Variants in CHST11 observed in about 807,000 individuals in gnomAD.
The protein encoded by CHST11 is carbohydrate sulfotransferase 11, also known as C4S-1.
Under a neutral mutation model 30.4 loss-of-function variants are expected in CHST11, and 9 were observed. The ratio of observed to expected loss-of-function variants is 0.30; its 90% confidence interval spans 0.18 to 0.52. The LOEUF (loss-of-function observed/expected upper bound fraction) is 0.52. Among genes scored for constraint, CHST11 ranks in the 20% least tolerant of loss-of-function variants. The probability of loss-of-function intolerance (pLI) is 0.97; values close to 1 mark genes in which losing one functional copy is unlikely to be tolerated. For missense variants in CHST11, 348 were observed against 460.6 expected (o/e 0.76, Z 2.24); for synonymous variants, 152 against 187.8 (o/e 0.81, Z 1.56).
intron 1 of CHST11, among the ~76,000 whole-genome samples, chr12:104,555,963 A>G (rs1314913854): frequency 1.3e-5 from 2 of 152,180 alleles, no homozygotes; most frequent in East Asian, 1.9e-4. Context: ...AGGGATTACC[A>G]TCAGGTGGTG....
In CHST11 at chr12:104,690,442, C is replaced by G. The variant is rs574924126; in HGVS notation, c.205-66507C>G. Among the ~76,000 whole-genome samples, 101 of 152,296 alleles carry G rather than the reference C, an allele frequency of 6.6e-4. 1 individual carries two copies. Among genetic ancestry groups the G allele is most frequent in the Admixed American group, 5.4e-3 (82 of 15,308 alleles). On this transcript the variant is annotated intron_variant, in intron 2 of 2. Coordinates refer to ENST00000303694, the MANE Select transcript of CHST11 (RefSeq NM_018413.6). The stretch of plus-strand genomic sequence containing the variant: ...GTAGGAATAAAAGTCGATTTCTGAT[C>G]CCCTCTTATATGAAAAATGGATGCA...
Position 104,653,867 on chromosome 12 carries a change from A to C in CHST11, c.204+51876A>C, listed in dbSNP as rs1306674152. 3.9e-5 allele frequency among the ~76,000 whole-genome samples: 6 copies of C among 152,228 alleles called. 1 individual carries two copies. Among genetic ancestry groups the C allele is most frequent in the Non-Finnish European group, 1.5e-5 (1 of 68,038 alleles). ...ATCTGGCTCTAGGTTCCTGAACTGC[A>C]GATGCAGTAGTTAGACTGAAAAACC... On this transcript the variant is annotated intron_variant, in intron 2 of 2. Coordinates refer to ENST00000303694, the MANE Select transcript of CHST11 (RefSeq NM_018413.6).
intron 1 of CHST11, among the ~76,000 whole-genome samples, chr12:104,545,593 AAAG>A (rs1226131166): frequency 6.6e-6 from 1 of 152,236 alleles, no homozygotes; most frequent in Non-Finnish European, 1.5e-5. Context: ...CAGGTTCCAT[AAAG>A]ATGATGCCTT....
At chr12:104,465,261 G>T (rs2037446571) in intron 1 of CHST11, among the ~76,000 whole-genome samples, 1 of 152,218 alleles carries the variant, frequency 6.6e-6, no homozygotes, top group Non-Finnish European at 1.5e-5. Context: ...CATGCAGTCT[G>T]TCCAAGTCTT....
Position 104,637,564 on chromosome 12 carries a change from C to A in CHST11, c.204+35573C>A, listed in dbSNP as rs141769753. Among the ~76,000 whole-genome samples the A allele has an allele frequency of 4.6e-3, 707 of 152,262 alleles. 9 individuals carry two copies. Among genetic ancestry groups the A allele is most frequent in the African/African-American group, 0.015 (641 of 41,536 alleles). ...TATCCAGATTAAAATCTGTGTGAGA[C>A]CTTTCTATGGCTTCCTTCCTGTTGC... On this transcript the variant is annotated intron_variant, in intron 2 of 2. Coordinates refer to ENST00000303694, the MANE Select transcript of CHST11 (RefSeq NM_018413.6).
Position 104,758,613 on chromosome 12 carries a change from A to G in CHST11, c.*810A>G, listed in dbSNP as rs2468110. On this transcript the variant is annotated 3_prime_UTR_variant, in exon 3 of 3. Transcript: ENST00000303694. ...AGATAGAGCGTTGAACAAACCCAATAGTCTTGGCCCTCAAAAAGCTTTATG... is the reference window on the plus strand; with the variant it reads ...AGATAGAGCGTTGAACAAACCCAATGGTCTTGGCCCTCAAAAAGCTTTATG... 96,562 of 152,030 alleles carry G rather than the reference A, an allele frequency of 0.64. 30,908 individuals are homozygous for G. Among genetic ancestry groups the G allele is most frequent in the Middle Eastern group, 0.74 (218 of 296 alleles). The allele number at this position is 152,030 out of a possible 1,614,324, so 9.4% of individuals were successfully genotyped here. A position where few individuals can be genotyped will look rare whatever the true frequency, so the allele number is the denominator to read the frequency against.
chr12:104,533,567 C>G lies in CHST11; in HGVS notation c.119-68339C>G, dbSNP rs540756026. On this transcript the variant is annotated intron_variant, in intron 1 of 2. Transcript: ENST00000303694. ...GTTCTTTTGTTTCCTGCCATCTCCCCTTAACCTGGACTTGACAACTAAAAA... is the reference window on the plus strand; with the variant it reads ...GTTCTTTTGTTTCCTGCCATCTCCCGTTAACCTGGACTTGACAACTAAAAA... Among the ~76,000 whole-genome samples, 8 of 152,288 alleles carry G rather than the reference C, an allele frequency of 5.3e-5. No homozygotes were observed. In the South Asian group the frequency reaches 1.7e-3, roughly 32 times the overall value.
At chr12:104,584,565 C>T (rs985675276) in intron 1 of CHST11, among the ~76,000 whole-genome samples, 1 of 152,160 alleles carries the variant, frequency 6.6e-6, no homozygotes, top group African/African-American at 2.4e-5. Flanking sequence ...CCTGTTTTCA[C>T]TTTCATATGC....
chr12:104,646,155 C>T (rs17815142), intron 2 of CHST11, among the ~76,000 whole-genome samples: 14,241 of 152,138 alleles, frequency 0.094, 744 homozygotes, highest in Non-Finnish European at 0.12. Flanking sequence ...CTCTATTCCA[C>T]TTTCCAGGGC....
At chr12:104,554,012 G>T (rs1259657038) in intron 1 of CHST11, among the ~76,000 whole-genome samples, 4 of 152,136 alleles carry the variant, frequency 2.6e-5, no homozygotes, top group Non-Finnish European at 1.5e-5. Flanking sequence ...GGCAGGATTT[G>T]ATTCTTGCCA....
intron 1 of CHST11, among the ~76,000 whole-genome samples, chr12:104,544,283 T>A (rs2038320809): frequency 6.6e-6 from 1 of 152,114 alleles, no homozygotes; most frequent in Non-Finnish European, 1.5e-5. Context: ...GGCTAATTTC[T>A]TAGAAAATAA....
intron 2 of CHST11, among the ~76,000 whole-genome samples, chr12:104,691,204 G>A (rs1413976300): frequency 6.6e-6 from 1 of 152,164 alleles, no homozygotes; most frequent in Non-Finnish European, 1.5e-5. Flanking sequence ...GCACGGGAAG[G>A]GTTGGTTGGT....
In CHST11 at chr12:104,457,389, G is replaced by A; in HGVS notation, c.-23G>A. The A allele has an allele frequency of 6.3e-7, 1 of 1,586,100 alleles. No homozygotes were observed. The highest frequency in any genetic ancestry group is 8.7e-7 in the Non-Finnish European group (1 of 1,155,728). ...CCGGGCGCGCTTCCCGGACACCCCG[G>A]TCCCCGCAGCCAGGACAAAGCCATG... On this transcript the variant is annotated 5_prime_UTR_variant, in exon 1 of 3. Coordinates refer to ENST00000303694, the MANE Select transcript of CHST11 (RefSeq NM_018413.6).
At chr12:104,662,610 A>G (rs1420770651) in intron 2 of CHST11, among the ~76,000 whole-genome samples, 2 of 151,654 alleles carry the variant, frequency 1.3e-5, no homozygotes, top group East Asian at 3.9e-4. Flanking sequence ...GATTTTTTCC[A>G]TCCTTTATTC....
At position 104,757,615 on chromosome 12, in the gene CHST11, C is replaced by G; in HGVS notation, c.871C>G (p.Gln291Glu). Residue 291 changes from glutamine (Q) to glutamate (E), a missense_variant, in exon 3 of 3, where the codon CAG becomes GAG. By Grantham distance (29) the Gln-to-Glu change is conservative. Around this residue, in one of 3 missense-constraint regions of CHST11, gnomAD observed 210 missense variants for 287.2 expected, o/e 0.73. Transcript: ENST00000303694. This position sits in a 1 kb window ranked among gnomAD's most constrained non-coding sequence, Gnocchi z 6.5. Reference sequence around the variant, plus strand: ...GGAAGAGGATTCTAATTACGTCCTGCAGCTGGCAGGAGTGGGCAGCTACCT... The same window carrying G: ...GGAAGAGGATTCTAATTACGTCCTGGAGCTGGCAGGAGTGGGCAGCTACCT... ...TLEEDSNYVLQLAGVGSYLKF... is the reference protein window; with the variant it reads ...TLEEDSNYVLELAGVGSYLKF... 2 of 1,614,188 alleles carry G rather than the reference C, an allele frequency of 1.2e-6. No individual in the cohort carries two copies. The highest frequency in any genetic ancestry group is 2.7e-5 in the African/African-American group (2 of 75,036).
intron 2 of CHST11, among the ~76,000 whole-genome samples, chr12:104,628,915 G>A (rs566870175): frequency 1.9e-4 from 29 of 152,256 alleles, no homozygotes; most frequent in South Asian, 6.2e-4. Context: ...TAAGGTCCAC[G>A]CTGGCTGCCT....
intron 2 of CHST11, among the ~76,000 whole-genome samples, chr12:104,650,235 T>C (rs951868348): frequency 6.6e-6 from 1 of 152,080 alleles, no homozygotes; most frequent in Non-Finnish European, 1.5e-5. Flanking sequence ...GTGGACTTGA[T>C]GAGATTGTGC....
In CHST11 at chr12:104,576,840, C is replaced by T. The variant is rs116227205; in HGVS notation, c.119-25066C>T. Among the ~76,000 whole-genome samples, 485 of 152,256 alleles carry T rather than the reference C, an allele frequency of 3.2e-3. 2 individuals are homozygous for T. The highest frequency in any genetic ancestry group is 0.011 in the African/African-American group (453 of 41,546). On this transcript the variant is annotated intron_variant, in intron 1 of 2. Transcript: ENST00000303694. ...TCTGCATTGACACCACTCCAGGCTG[C>T]GCTGAGGGACATTCACGTTCCTCCA...
chr12:104,538,519 C>G (rs1227446858), intron 1 of CHST11, among the ~76,000 whole-genome samples: 1 of 152,140 alleles, frequency 6.6e-6, no homozygotes, highest in Non-Finnish European at 1.5e-5. Context: ...TTATACGCAG[C>G]CTAAAGTTAT....
Sources: gnomAD v4.1 joint callset for allele counts (sites outside exome capture counted in the v4.1 genomes callset) on GRCh38, gnomAD v4.1.1 for gene constraint, gnomAD v4.1.1 regional missense constraint, Gnocchi (gnomAD v3.1) non-coding constraint, MANE v1.5 for transcripts, NCBI Gene and HGNC (gene_info 2026-07-23, HGNC 2026-07-21) for gene names.